SMYD3: variants seen among roughly 807,000 people sequenced by gnomAD.
The protein encoded by SMYD3 is histone-lysine N-methyltransferase SMYD3.
Under a neutral mutation model 57.7 loss-of-function variants are expected in SMYD3, and 36 were observed. The observed-to-expected ratio is 0.62, with a 90% CI of 0.48 to 0.82. SMYD3 has a LOEUF of 0.82. Among genes scored for constraint, SMYD3 ranks in the 40% least tolerant of loss-of-function variants. SMYD3 has a pLI of 0.00. For synonymous variants in SMYD3, 211 were observed against 195.0 expected (o/e 1.08, Z -0.68); for missense variants, 515 against 538.8 (o/e 0.96, Z 0.44).
intron 5 of SMYD3, among the ~76,000 whole-genome samples, chr1:246,293,291 T>C (rs1264543475): frequency 6.6e-6 from 1 of 152,196 alleles, no homozygotes; most frequent in Non-Finnish European, 1.5e-5. Flanking sequence ...AATCATTCGC[T>C]TGCTACCTCA....
intron 5 of SMYD3, among the ~76,000 whole-genome samples, chr1:245,959,127 A>C (rs1302734313): frequency 8.1e-6 from 1 of 123,890 alleles, no homozygotes; most frequent in Non-Finnish European, 1.8e-5. Flanking sequence ...TTCTCAAAAA[A>C]CAAACAAACA....
intron 10 of SMYD3, among the ~76,000 whole-genome samples, chr1:245,841,025 C>T (rs2050376861): frequency 6.6e-6 from 1 of 152,198 alleles, no homozygotes. Context: ...TTGGGAGATA[C>T]TGTCATTCTT....
At chr1:246,069,272 AAAC>A (rs1392428443) in intron 5 of SMYD3, among the ~76,000 whole-genome samples, 3 of 152,242 alleles carry the variant, frequency 2.0e-5, no homozygotes, top group Non-Finnish European at 4.4e-5. Flanking sequence ...TAATAAAAGA[AAAC>A]AAACTGAGAA....
intron 5 of SMYD3, among the ~76,000 whole-genome samples, chr1:246,121,820 C>T (rs774128974): frequency 1.3e-5 from 2 of 152,096 alleles, no homozygotes; most frequent in Non-Finnish European, 2.9e-5. Flanking sequence ...ATGACAGAAA[C>T]CGGGCATATC....
chr1:246,099,544 A>G (rs1011401754), intron 5 of SMYD3, among the ~76,000 whole-genome samples: 6 of 152,212 alleles, frequency 3.9e-5, no homozygotes, highest in African/African-American at 1.4e-4. Flanking sequence ...ATTGTTGAAC[A>G]CTGGATTCAC....
In SMYD3 at chr1:246,276,156, T is replaced by C. The variant is rs1458330806; in HGVS notation, c.531+51045A>G. On this transcript the variant is annotated intron_variant, in intron 5 of 11. Transcript: ENST00000490107. ...AGGTTATTTAATGTCTGTAGTGGAG[T>C]CTGATGCCCATGTTTGAATACTAAC... is the stretch of plus-strand genomic sequence containing the variant. 2.4e-5 allele frequency among the ~76,000 whole-genome samples: 3 copies of C among 124,706 alleles called. 1 individual carries two copies. Among genetic ancestry groups the C allele is most frequent in the African/African-American group, 8.4e-5 (3 of 35,704 alleles). The allele number at this position is 124,706 out of a possible 152,430, so 81.8% of individuals were successfully genotyped here.
intron 5 of SMYD3, among the ~76,000 whole-genome samples, chr1:246,061,385 G>A (rs1054339068): frequency 1.3e-5 from 2 of 151,926 alleles, no homozygotes; most frequent in Non-Finnish European, 2.9e-5. Flanking sequence ...GATCAAATGC[G>A]TGGTAGGGAA....
intron 5 of SMYD3, among the ~76,000 whole-genome samples, chr1:246,140,669 G>A (rs1264967991): frequency 6.6e-6 from 1 of 152,144 alleles, no homozygotes; most frequent in African/African-American, 2.4e-5. Context: ...CTGGGGTACA[G>A]TGGCACAATC....
intron 1 of SMYD3, among the ~76,000 whole-genome samples, chr1:246,371,836 A>C (rs2066198080): frequency 1.3e-5 from 2 of 152,126 alleles, no homozygotes; most frequent in Non-Finnish European, 2.9e-5. Flanking sequence ...TAAATTCACT[A>C]ATTGGAGTCG....
chr1:246,498,654 C>G (rs1055216893), intron 1 of SMYD3, among the ~76,000 whole-genome samples: 4 of 149,210 alleles, frequency 2.7e-5, no homozygotes, highest in African/African-American at 1.0e-4. Flanking sequence ...TAGTGTGAAC[C>G]TGGGAGACGG....
At chr1:245,971,520 CA>C (rs1275400652) in intron 5 of SMYD3, among the ~76,000 whole-genome samples, 1 of 152,110 alleles carries the variant, frequency 6.6e-6, no homozygotes, top group East Asian at 1.9e-4. Context: ...TCAGTTTATA[CA>C]ATCTATTAAG....
At chr1:246,170,754 A>G (rs985586311) in intron 5 of SMYD3, among the ~76,000 whole-genome samples, 1 of 152,198 alleles carries the variant, frequency 6.6e-6, no homozygotes, top group African/African-American at 2.4e-5. Context: ...AACTGCTTTC[A>G]AGAAACGTAG....
intron 1 of SMYD3, among the ~76,000 whole-genome samples, chr1:246,457,018 G>C (rs1265443492): frequency 6.6e-6 from 1 of 152,128 alleles, no homozygotes; most frequent in African/African-American, 2.4e-5. Context: ...GTTCTCCTTT[G>C]TGCTTTCACT....
intron 5 of SMYD3, among the ~76,000 whole-genome samples, chr1:246,315,099 T>A (rs924269389): frequency 1.3e-5 from 2 of 152,154 alleles, no homozygotes; most frequent in African/African-American, 2.4e-5. Flanking sequence ...ACTGATGTAT[T>A]CTGGAGAAAG....
intron 1 of SMYD3, among the ~76,000 whole-genome samples, chr1:246,370,232 G>T (rs1323816205): frequency 6.6e-6 from 1 of 152,184 alleles, no homozygotes; most frequent in Admixed American, 6.5e-5. Flanking sequence ...CAGTGGAGAG[G>T]GTAATGCAGT....
chr1:246,459,473 G>A (rs953525696), intron 1 of SMYD3, among the ~76,000 whole-genome samples: 8 of 145,092 alleles, frequency 5.5e-5, no homozygotes, highest in Admixed American at 2.8e-4. Flanking sequence ...TGCTATTCTC[G>A]CAATAAGAGT....
At chr1:245,775,410 A>AC (rs1263679732) in intron 10 of SMYD3, among the ~76,000 whole-genome samples, 8 of 151,798 alleles carry the variant, frequency 5.3e-5, no homozygotes, top group South Asian at 2.1e-4. Context: ...CTGTGACCTT[A>AC]CCCCCAACCC....
At chr1:245,820,348 C>G (rs1189394503) in intron 10 of SMYD3, among the ~76,000 whole-genome samples, 5 of 149,586 alleles carry the variant, frequency 3.3e-5, no homozygotes, top group Non-Finnish European at 4.4e-5. Flanking sequence ...TTCAACAACC[C>G]TTCATGCTAA....
At chr1:246,430,584 G>A (rs954448021) in intron 1 of SMYD3, among the ~76,000 whole-genome samples, 1 of 152,180 alleles carries the variant, frequency 6.6e-6, no homozygotes, top group African/African-American at 2.4e-5. Context: ...AATCCCTAAC[G>A]AGTTGTTTGC....
Sources: allele counts gnomAD v4.1 joint callset (sites outside exome capture counted in the v4.1 genomes callset), GRCh38; gene constraint gnomAD v4.1.1; transcripts MANE v1.5; gene names NCBI Gene and HGNC (gene_info 2026-07-23, HGNC 2026-07-21).